PTPRM: variants seen among roughly 807,000 people sequenced by gnomAD.
PTPRM encodes the protein receptor-type tyrosine-protein phosphatase mu.
Under a neutral mutation model 186.7 loss-of-function variants are expected in PTPRM, and 47 were observed. That is an observed-to-expected ratio of 0.25 (90% CI 0.20 to 0.32). The LOEUF is 0.32. PTPRM is among the 10% of genes least tolerant of loss of function. The probability of loss-of-function intolerance (pLI) is 1.00; values close to 1 mark genes in which losing one functional copy is unlikely to be tolerated. For missense variants in PTPRM, 1,494 were observed against 1,865.0 expected (o/e 0.80, Z 3.66); for synonymous variants, 668 against 674.9 (o/e 0.99, Z 0.16).
At chr18:7,858,824 C>T (rs2047211444) in intron 2 of PTPRM, among the ~76,000 whole-genome samples, 1 of 152,080 alleles carries the variant, frequency 6.6e-6, no homozygotes, top group Non-Finnish European at 1.5e-5. Context: ...TATTAAGTGC[C>T]AGTTAGTATG....
chr18:7,667,798 A>G (rs926982585), intron 1 of PTPRM, among the ~76,000 whole-genome samples: 13 of 152,202 alleles, frequency 8.5e-5, no homozygotes, highest in Admixed American at 5.2e-4. Flanking sequence ...AAATGATTGT[A>G]TAATGAGGGC....
intron 7 of PTPRM, among the ~76,000 whole-genome samples, chr18:8,002,386 T>C (rs1025109997): frequency 2.0e-5 from 3 of 152,172 alleles, no homozygotes; most frequent in African/African-American, 7.2e-5. Flanking sequence ...TGCTAGCTCT[T>C]GAGTAGGTTA....
intron 20 of PTPRM, among the ~76,000 whole-genome samples, chr18:8,306,342 A>G (rs1354791471): frequency 6.6e-6 from 1 of 152,118 alleles, no homozygotes; most frequent in Non-Finnish European, 1.5e-5. Context: ...CAGGACTCCA[A>G]ATTTGTGCAG....
intron 7 of PTPRM, among the ~76,000 whole-genome samples, chr18:8,011,643 T>A (rs1304394360): frequency 6.6e-6 from 1 of 152,232 alleles, no homozygotes; most frequent in Non-Finnish European, 1.5e-5. Context: ...CCAGCCTAGC[T>A]TTCCAATGCA....
intron 21 of PTPRM, among the ~76,000 whole-genome samples, chr18:8,317,314 G>A (rs1472308447): frequency 6.6e-6 from 1 of 152,092 alleles, no homozygotes. Flanking sequence ...GGTCAAGGAT[G>A]CTGAGGAGAA....
At chr18:8,356,512 C>T (rs1243193826) in intron 23 of PTPRM, among the ~76,000 whole-genome samples, 2 of 152,168 alleles carry the variant, frequency 1.3e-5, no homozygotes, top group Non-Finnish European at 2.9e-5. Flanking sequence ...AACAGAAACA[C>T]ACTCAGGATG....
At chr18:8,121,651 A>G (rs534737302) in intron 13 of PTPRM, among the ~76,000 whole-genome samples, 28 of 152,316 alleles carry the variant, frequency 1.8e-4, no homozygotes, top group African/African-American at 6.3e-4. Context: ...TTATTCTCTT[A>G]AAGTGAAAAA....
chr18:7,654,017 G>A (rs573654322), intron 1 of PTPRM, among the ~76,000 whole-genome samples: 1 of 152,106 alleles, frequency 6.6e-6, no homozygotes, highest in Non-Finnish European at 1.5e-5. Context: ...ATTCCGACTG[G>A]TGTGAGATGG....
At chr18:8,270,674 A>C (rs746660586) in intron 19 of PTPRM, among the ~76,000 whole-genome samples, 3 of 152,176 alleles carry the variant, frequency 2.0e-5, no homozygotes, top group African/African-American at 7.2e-5. Context: ...TTATTCAGCC[A>C]CAAAAAAAGA....
At chr18:8,091,631 G>A (rs1295654983) in intron 11 of PTPRM, among the ~76,000 whole-genome samples, 1 of 150,742 alleles carries the variant, frequency 6.6e-6, no homozygotes. Flanking sequence ...TGTCTTCAAG[G>A]GATTCATTAT....
intron 13 of PTPRM, among the ~76,000 whole-genome samples, chr18:8,121,259 TG>T (rs1451554527): frequency 6.6e-6 from 1 of 152,194 alleles, no homozygotes; most frequent in Non-Finnish European, 1.5e-5. Context: ...GCAGCAGTTT[TG>T]GGTTTAATTG....
At chr18:8,234,694 A>C (rs1263275731) in intron 14 of PTPRM, among the ~76,000 whole-genome samples, 1 of 152,086 alleles carries the variant, frequency 6.6e-6, no homozygotes, top group Non-Finnish European at 1.5e-5. Flanking sequence ...TTTTTGCAAC[A>C]TTAAGTATAA....
intron 2 of PTPRM, among the ~76,000 whole-genome samples, chr18:7,882,113 A>G (rs2028434): frequency 0.13 from 19,325 of 152,130 alleles, 1,855 homozygotes; most frequent in African/African-American, 0.26. Flanking sequence ...TGGCCCACTC[A>G]TTGTTTCTGG....
chr18:8,300,936 G>A (rs546779001), intron 20 of PTPRM, among the ~76,000 whole-genome samples: 28 of 152,122 alleles, frequency 1.8e-4, no homozygotes, highest in East Asian at 1.2e-3. Context: ...AATGACCCAC[G>A]CATACATCAT....
At position 7,754,609 on chromosome 18, in the gene PTPRM, G is replaced by T. The variant is rs144449865; in HGVS notation, c.74-19540G>T. Among the ~76,000 whole-genome samples the T allele has an allele frequency of 4.5e-3, 683 of 152,276 alleles. 5 individuals carry two copies. The highest frequency in any genetic ancestry group is 0.016 in the African/African-American group (670 of 41,548). Reference sequence around the variant, plus strand: ...ATGCCACTTGAAAATGAGGTAACAAGTCCTTTGATTGAACTGGCAGTCCCA... The same window carrying T: ...ATGCCACTTGAAAATGAGGTAACAATTCCTTTGATTGAACTGGCAGTCCCA... On this transcript the variant is annotated intron_variant, in intron 1 of 32. Transcript: ENST00000580170.
intron 14 of PTPRM, among the ~76,000 whole-genome samples, chr18:8,199,873 TA>T (rs1385863373): frequency 3.3e-5 from 5 of 152,240 alleles, no homozygotes; most frequent in Admixed American, 3.3e-4. Flanking sequence ...GCTGTGTGTA[TA>T]AATAAGATTA....
intron 9 of PTPRM, among the ~76,000 whole-genome samples, chr18:8,078,010 T>C (rs1489546721): frequency 6.6e-6 from 1 of 152,204 alleles, no homozygotes; most frequent in East Asian, 1.9e-4. Flanking sequence ...TGGGGATGCA[T>C]GAATGTGTCA....
chr18:7,757,841 G>A (rs909524413), intron 1 of PTPRM, among the ~76,000 whole-genome samples: 1 of 152,106 alleles, frequency 6.6e-6, no homozygotes, highest in Non-Finnish European at 1.5e-5. Flanking sequence ...TGGGTATGGG[G>A]TATCCCAAGC....
intron 14 of PTPRM, among the ~76,000 whole-genome samples, chr18:8,214,587 G>A (rs2146997257): frequency 6.6e-6 from 1 of 152,210 alleles, no homozygotes; most frequent in African/African-American, 2.4e-5. Flanking sequence ...CTGTCTCTTT[G>A]AAGTTTTAAA....
Sources: gnomAD v4.1 joint callset for allele counts (sites outside exome capture counted in the v4.1 genomes callset) on GRCh38, gnomAD v4.1.1 for gene constraint, MANE v1.5 for transcripts, NCBI Gene and HGNC (gene_info 2026-07-23, HGNC 2026-07-21) for gene names.